Variants in SEMA6D observed in about 807,000 individuals in gnomAD.
The protein encoded by SEMA6D is semaphorin-6D.
A neutral mutation model predicts 106.6 loss-of-function variants in SEMA6D; 35 were observed. That is an observed-to-expected ratio of 0.33 (90% CI 0.25 to 0.44). The LOEUF is 0.44. Among genes scored for constraint, SEMA6D ranks in the 20% least tolerant of loss-of-function variants. SEMA6D has a pLI of 1.00. For missense variants in SEMA6D, 1,185 were observed against 1,345.9 expected (o/e 0.88, Z 1.87); for synonymous variants, 499 against 487.7 (o/e 1.02, Z -0.31).
chr15:47,446,822 T>C (rs530078761), intron 2 of SEMA6D, among the ~76,000 whole-genome samples: 4 of 152,272 alleles, frequency 2.6e-5, no homozygotes, highest in Non-Finnish European at 4.4e-5. Context: ...ATATCATATG[T>C]CATGTCTGTT....
chr15:47,541,328 A>G (rs551598331), intron 3 of SEMA6D, among the ~76,000 whole-genome samples: 11 of 152,322 alleles, frequency 7.2e-5, no homozygotes, highest in Admixed American at 5.9e-4. Flanking sequence ...GTGTTTCTAC[A>G]AAGACGATAT....
chr15:47,766,830 G>A (rs117799876), intron 16 of SEMA6D, among the ~76,000 whole-genome samples, 153 bp downstream of exon 16: 1,666 of 152,112 alleles, frequency 0.011, 19 homozygotes, highest in Non-Finnish European at 0.012. Flanking sequence ...TCGGTCATGG[G>A]GATACATTAG....
At chr15:47,210,777 A>T in intron 1 of SEMA6D, among the ~76,000 whole-genome samples, 1 of 151,732 alleles carries the variant, frequency 6.6e-6, no homozygotes, top group Non-Finnish European at 1.5e-5. Flanking sequence ...AAAAAAAAAA[A>T]AAAAAAAAAA....
chr15:47,206,105 G>C (rs972999927), intron 1 of SEMA6D, among the ~76,000 whole-genome samples: 1 of 152,036 alleles, frequency 6.6e-6, no homozygotes, highest in Admixed American at 6.6e-5. Flanking sequence ...TGGATGACTG[G>C]GTTAAGTGGG....
intron 1 of SEMA6D, among the ~76,000 whole-genome samples, chr15:47,308,317 T>C (rs771101432): frequency 1.3e-5 from 2 of 152,164 alleles, no homozygotes; most frequent in Non-Finnish European, 2.9e-5. Context: ...TTTCCTTATA[T>C]GCCAAATGGG....
chr15:47,439,787 C>G (rs2041827560), intron 2 of SEMA6D, among the ~76,000 whole-genome samples: 2 of 152,080 alleles, frequency 1.3e-5, no homozygotes, highest in African/African-American at 2.4e-5. Context: ...TCAAGAAAGC[C>G]AGACTCACTT....
chr15:47,613,982 A>G (rs530953456), intron 4 of SEMA6D, among the ~76,000 whole-genome samples: 1 of 152,270 alleles, frequency 6.6e-6, no homozygotes, highest in African/African-American at 2.4e-5. Context: ...CTTTCAAGGA[A>G]TATTTAAATT....
chr15:47,561,273 G>A (rs746826497), intron 3 of SEMA6D, among the ~76,000 whole-genome samples: 1 of 152,008 alleles, frequency 6.6e-6, no homozygotes, highest in Non-Finnish European at 1.5e-5. Context: ...ACAGGGGAAT[G>A]ATTAACAGCT....
At chr15:47,342,159 AC>A (rs2037843568) in intron 1 of SEMA6D, among the ~76,000 whole-genome samples, 1 of 152,250 alleles carries the variant, frequency 6.6e-6, no homozygotes, top group Non-Finnish European at 1.5e-5. Context: ...GAAACTAGAG[AC>A]CCAACTAGTG....
At chr15:47,243,395 A>G (rs1272565837) in intron 1 of SEMA6D, among the ~76,000 whole-genome samples, 1 of 151,564 alleles carries the variant, frequency 6.6e-6, no homozygotes, top group Non-Finnish European at 1.5e-5. Flanking sequence ...GGGCAATTTG[A>G]CTATGTTTTT....
rs866625648 is a variant in SEMA6D at position 47,729,980 on chromosome 15, C to T, written c.-55+12288C>T. 3.9e-5 allele frequency among the ~76,000 whole-genome samples: 6 copies of T among 152,128 alleles called. No homozygotes were observed. The South Asian group carries it at 8.3e-4, about 21-fold the overall frequency. ...TAGGACAAAGAGAGGTGGTGATGGG[C>T]GGGAGAGAGTCTATATGACCTCCAG... On this transcript the variant is annotated intron_variant, in intron 1 of 18. Coordinates refer to ENST00000536845, the MANE Select transcript of SEMA6D (RefSeq NM_001358351.3).
At chr15:47,730,409 C>G (rs2146649727) in intron 1 of SEMA6D, 1 of 1,429,288 alleles carries the variant, frequency 7.0e-7, no homozygotes. Flanking sequence ...GTAAGGGACC[C>G]CCATTTTACG....
intron 3 of SEMA6D, among the ~76,000 whole-genome samples, chr15:47,545,385 G>A (rs1291837450): frequency 6.6e-6 from 1 of 152,092 alleles, no homozygotes; most frequent in Admixed American, 6.6e-5. Flanking sequence ...CAATTACTAA[G>A]GTTGTTGGTT....
At chr15:47,464,956 G>C (rs2042615651) in intron 2 of SEMA6D, among the ~76,000 whole-genome samples, 1 of 152,098 alleles carries the variant, frequency 6.6e-6, no homozygotes, top group South Asian at 2.1e-4. Flanking sequence ...AATTTCACAA[G>C]TTTGCCATAT....
intron 1 of SEMA6D, among the ~76,000 whole-genome samples, chr15:47,759,370 C>G (rs1218961999): frequency 6.6e-6 from 1 of 152,078 alleles, no homozygotes; most frequent in Non-Finnish European, 1.5e-5. Context: ...AGATATATTT[C>G]AGGACTGGGG....
At chr15:47,614,332 G>T (rs2076967881) in intron 4 of SEMA6D, among the ~76,000 whole-genome samples, 1 of 152,180 alleles carries the variant, frequency 6.6e-6, no homozygotes, top group South Asian at 2.1e-4. Context: ...GCTCCCTCCA[G>T]TCATGGCAGG....
chr15:47,496,818 A>G (rs1245721050), intron 3 of SEMA6D, among the ~76,000 whole-genome samples: 1 of 151,954 alleles, frequency 6.6e-6, no homozygotes, highest in African/African-American at 2.4e-5. Context: ...CCTCTCATCT[A>G]GCTGATCTCC....
At chr15:47,278,154 T>C (rs1014836195) in intron 1 of SEMA6D, among the ~76,000 whole-genome samples, 6 of 152,028 alleles carry the variant, frequency 3.9e-5, no homozygotes, top group Non-Finnish European at 5.9e-5. Flanking sequence ...GGTCAAATGG[T>C]ATTTCTAGTT....
At chr15:47,600,000 C>A (rs956702038) in intron 3 of SEMA6D, among the ~76,000 whole-genome samples, 1 of 151,892 alleles carries the variant, frequency 6.6e-6, no homozygotes. Flanking sequence ...GAATTTGTAC[C>A]ATTTGGGGAA....
Sources: gnomAD v4.1 joint callset for allele counts (sites outside exome capture counted in the v4.1 genomes callset) on GRCh38, gnomAD v4.1.1 for gene constraint, MANE v1.5 for transcripts, NCBI Gene and HGNC (gene_info 2026-07-23, HGNC 2026-07-21) for gene names.